ZNF518B: variants seen among roughly 807,000 people sequenced by gnomAD.
ZNF518B encodes zinc finger protein 518B.
A neutral mutation model predicts 56.3 loss-of-function variants in ZNF518B; 23 were observed. The ratio of observed to expected loss-of-function variants is 0.41; its 90% CI spans 0.29 to 0.58. The LOEUF (loss-of-function observed/expected upper bound fraction) is 0.58, where lower values mean the gene tolerates loss of function less well. Among genes scored for constraint, ZNF518B ranks in the 20% least tolerant of loss-of-function variants. ZNF518B has a pLI of 0.32. For missense variants in ZNF518B, 1,460 were observed against 1,272.1 expected (o/e 1.15, Z -2.25); for synonymous variants, 529 against 465.9 (o/e 1.14, Z -1.74).
chr4:10,445,338 C>T lies in ZNF518B; in HGVS notation c.991G>A (p.Val331Ile). The T allele has an allele frequency of 1.9e-6, 3 of 1,614,232 alleles. No individual in the cohort carries two copies. The highest frequency in any genetic ancestry group is 2.5e-6 in the Non-Finnish European group (3 of 1,180,034). The change falls in exon 3 of 3, where the codon GTT becomes ATT. Residue 331 changes from valine to isoleucine, a missense_variant. Transcript: ENST00000326756. ...EPVQPGMPLTVVAPAELVVPA... is the reference protein window; with the variant it reads ...EPVQPGMPLTIVAPAELVVPA... ...ACAACTAGTTCTGCTGGTGCAACAACTGTCAATGGCATACCTGGCTGAACA... is the reference window on the plus strand; with the variant it reads ...ACAACTAGTTCTGCTGGTGCAACAATTGTCAATGGCATACCTGGCTGAACA...
chr4:10,447,698 G>A (rs892764501), intron 2 of ZNF518B, among the ~76,000 whole-genome samples: 3 of 144,626 alleles, frequency 2.1e-5, no homozygotes, highest in Non-Finnish European at 3.0e-5. Context: ...TGCCCAGGCT[G>A]GAGTGCAATG....
chr4:10,444,511 A>G lies in ZNF518B; in HGVS notation c.1818T>C (p.Asp606=), dbSNP rs749742701. 9.3e-6 allele frequency: 15 copies of G among 1,614,028 alleles called. No homozygotes were observed. The highest frequency in any genetic ancestry group is 3.3e-5 in the Admixed American group (2 of 60,010). ...EYLHINITGE[D]RSQQPGDKPL... is the part of the protein sequence containing the mutation. ...GCTTATCCCCAGGCTGTTGAGATCTATCTTCTCCAGTTATGTTTATATGTA... is the reference window on the plus strand; with the variant it reads ...GCTTATCCCCAGGCTGTTGAGATCTGTCTTCTCCAGTTATGTTTATATGTA... Residue 606 remains aspartate, a synonymous_variant, in exon 3 of 3, where the codon GAT becomes GAC. Coordinates refer to ENST00000326756, the MANE Select transcript of ZNF518B (RefSeq NM_053042.3).
rs904782966 is a variant in ZNF518B, at chr4:10,441,762, T to C, written c.*1342A>G. 2 of 152,162 alleles carry C rather than the reference T, an allele frequency of 1.3e-5. No individual in the cohort carries two copies. Among genetic ancestry groups the C allele is most frequent in the African/African-American group, 4.8e-5 (2 of 41,422 alleles). The allele number at this position is 152,162 out of a possible 1,614,324, so 9.4% of individuals were successfully genotyped here. On this transcript the variant is annotated 3_prime_UTR_variant, in exon 3 of 3. Coordinates refer to ENST00000326756, the MANE Select transcript of ZNF518B (RefSeq NM_053042.3). ...CCTTTTTCTAAAGAACACAAATGTG[T>C]AGATAAATGACAGTCCTGACATCTG...
chr4:10,455,622 T>A (rs149733059), intron 1 of ZNF518B, among the ~76,000 whole-genome samples: 3 of 152,192 alleles, frequency 2.0e-5, no homozygotes, highest in East Asian at 1.9e-4. Context: ...TGGATTTTTT[T>A]AATTGCCATT....
chr4:10,455,075 C>A (rs1715472980), intron 1 of ZNF518B, 87 bp from the exon 2 acceptor site: 1 of 152,194 alleles, frequency 6.6e-6, no homozygotes, highest in South Asian at 2.1e-4. Context: ...GGGAATGAGC[C>A]CCAGAAGTGG....
rs1000151484 is a variant in ZNF518B, at chr4:10,443,468, G to A, written c.2861C>T (p.Pro954Leu). 1 of 1,614,136 alleles carries A rather than the reference G, an allele frequency of 6.2e-7. No homozygotes were observed. Among genetic ancestry groups the A allele is most frequent in the South Asian group, 1.1e-5 (1 of 91,086 alleles). Reference sequence around the variant, plus strand: ...TACCTTCATCACATTGGTCACTTCTGGCGAGTCCACATCAGGGTGGTTTAA... The same window carrying A: ...TACCTTCATCACATTGGTCACTTCTAGCGAGTCCACATCAGGGTGGTTTAA... ...IVLNHPDVDS[P>L]EVTNVMKVIN... Residue 954 changes from proline (P) to leucine (L), a missense_variant, in exon 3 of 3, where the codon CCA becomes CTA. Physicochemically the swap from Pro to Leu is moderately conservative, Grantham distance 98. Coordinates refer to ENST00000326756, the MANE Select transcript of ZNF518B (RefSeq NM_053042.3).
Position 10,445,050 on chromosome 4 carries a change from T to C in ZNF518B, c.1279A>G (p.Lys427Glu). 3.7e-6 allele frequency: 6 copies of C among 1,614,220 alleles called. No homozygotes were observed. The highest frequency in any genetic ancestry group is 2.2e-5 in the East Asian group (1 of 44,882). ...ACCCATTTCACATTTTTAAGCTGTT[T>C]CTGAACTGAAGGTTGAAAACTATCA... Reference protein sequence around the residue: ...GIDSFQPSVQKQLKNVKWVRS... With the variant: ...GIDSFQPSVQEQLKNVKWVRS... The change falls in exon 3 of 3, where the codon AAA becomes GAA. Residue 427 changes from lysine to glutamate, a missense_variant. Coordinates refer to ENST00000326756, the MANE Select transcript of ZNF518B (RefSeq NM_053042.3).
At position 10,442,820 on chromosome 4, in the gene ZNF518B, G is replaced by T. The variant is rs1469420712; in HGVS notation, c.*284C>A. ...CTCAGAAAACGGGGTGCTAAACAAA[G>T]AAAAGTCTCAGATCCCACTGAAAAT... is the stretch of plus-strand genomic sequence containing the variant. On this transcript the variant is annotated 3_prime_UTR_variant, in exon 3 of 3. Coordinates refer to ENST00000326756, the MANE Select transcript of ZNF518B (RefSeq NM_053042.3). The T allele has an allele frequency of 1.4e-5, 5 of 359,246 alleles. No homozygotes were observed. Among genetic ancestry groups the T allele is most frequent in the Non-Finnish European group, 2.5e-5 (5 of 198,214 alleles). The allele number at this position is 359,246 out of a possible 1,614,324, so 22.3% of individuals were successfully genotyped here. A position where few individuals can be genotyped will look rare whatever the true frequency, so the allele number is the denominator to read the frequency against.
At chr4:10,458,026 A>G (rs1341376625), upstream of ZNF518B, among the ~76,000 whole-genome samples, 1 of 152,124 alleles carries the variant, frequency 6.6e-6, no homozygotes, top group African/African-American at 2.4e-5. Context: ...GGGGACAATG[A>G]CTGTGGGAGT....
At chr4:10,457,658 T>C (rs1323554272), upstream of ZNF518B, among the ~76,000 whole-genome samples, 1 of 152,218 alleles carries the variant, frequency 6.6e-6, no homozygotes, top group African/African-American at 2.4e-5. Context: ...AGGATTCGGC[T>C]TCGGTCCTGG....
In ZNF518B at chr4:10,445,843, G is replaced by T; in HGVS notation, c.486C>A (p.Phe162Leu). The T allele has an allele frequency of 1.2e-6, 2 of 1,614,240 alleles. No homozygotes were observed. Among genetic ancestry groups the T allele is most frequent in the Non-Finnish European group, 1.7e-6 (2 of 1,180,040 alleles). Reference sequence around the variant, plus strand: ...AAATGTAGCTGCAGTGAGAACAAATGAATTTAATCTCCTCGTGTTGAAGGG... The same window carrying T: ...AAATGTAGCTGCAGTGAGAACAAATTAATTTAATCTCCTCGTGTTGAAGGG... ...KHTLQHEEIKFICSHCSYISY... is the reference protein window; with the variant it reads ...KHTLQHEEIKLICSHCSYISY... The change falls in exon 3 of 3, where the codon TTC (phenylalanine) becomes TTA (leucine). Residue 162 changes from phenylalanine to leucine, a missense_variant. Physicochemically the swap from Phe to Leu is conservative, Grantham distance 22 (BLOSUM62 0). Coordinates refer to ENST00000326756, the MANE Select transcript of ZNF518B (RefSeq NM_053042.3).
Position 10,443,563 on chromosome 4 carries a change from T to C in ZNF518B, c.2766A>G (p.Gln922=). The C allele has an allele frequency of 6.2e-7, 1 of 1,614,194 alleles. No homozygotes were observed. Among genetic ancestry groups the C allele is most frequent in the East Asian group, 2.2e-5 (1 of 44,886 alleles). Residue 922 remains glutamine, a synonymous_variant, in exon 3 of 3, where the codon CAA becomes CAG. Transcript: ENST00000326756. ...KDPSIFQVAR[Q]LRLIAAKPDQ... is the part of the protein sequence containing the mutation. ...CTGGCTTAGCTGCTATCAGTCTTAG[T>C]TGCCTTGCAACCTGAAAAATTGAAG...
Position 10,445,416 on chromosome 4 carries a change from G to A in ZNF518B, c.913C>T (p.Leu305=), listed in dbSNP as rs1301966071. ...ACTTCAACATTTTTGTTCTCAAATA[G>A]GTTGACTTCATTTGGCTCAGACAGG... ...MTLSEPNEVN[L]FENKNVEVEV... is the part of the protein sequence containing the mutation. Residue 305 remains leucine (L), a synonymous_variant, in exon 3 of 3, where the codon CTA becomes TTA. Transcript: ENST00000326756. The A allele has an allele frequency of 3.7e-6, 6 of 1,614,078 alleles. No homozygotes were observed. Among genetic ancestry groups the A allele is most frequent in the Non-Finnish European group, 5.1e-6 (6 of 1,180,038 alleles).
At position 10,444,346 on chromosome 4, in the gene ZNF518B, T is replaced by G; in HGVS notation, c.1983A>C (p.Ser661=). 1 of 1,614,204 alleles carries G rather than the reference T, an allele frequency of 6.2e-7. No homozygotes were observed. Among genetic ancestry groups the G allele is most frequent in the Non-Finnish European group, 8.5e-7 (1 of 1,180,028 alleles). The part of the protein sequence containing the change: ...KWNSSTSKIK[S]IELLRRKIAQ... ...CTATCTTTCTGCGCAACAGTTCAAT[T>G]GACTTTATTTTAGACGTTGAGCTAT... is the stretch of plus-strand genomic sequence containing the variant. The change falls in exon 3 of 3, where the codon TCA becomes TCC. Residue 661 remains serine (S), a synonymous_variant. Transcript: ENST00000326756.
At chr4:10,455,615 A>ATT (rs57975905) in intron 1 of ZNF518B, among the ~76,000 whole-genome samples, 4 of 151,688 alleles carry the variant, frequency 2.6e-5, no homozygotes, top group East Asian at 3.9e-4. Flanking sequence ...ATCTAAATGG[A>ATT]TTTTTTTAAT....
At chr4:10,459,797 A>C (rs1205974228), upstream of ZNF518B, among the ~76,000 whole-genome samples, 4 of 152,180 alleles carry the variant, frequency 2.6e-5, no homozygotes, top group Non-Finnish European at 5.9e-5. Context: ...GAGGGTTCAG[A>C]GGGAGCATGG....
At chr4:10,446,770 C>A (rs1715077183) in intron 2 of ZNF518B, among the ~76,000 whole-genome samples, 1 of 152,168 alleles carries the variant, frequency 6.6e-6, no homozygotes, top group Non-Finnish European at 1.5e-5. Context: ...CATGAATGAA[C>A]ACAGATATAC....
chr4:10,452,867 GAC>G (rs1715379267), intron 2 of ZNF518B: 1 of 152,124 alleles, frequency 6.6e-6, no homozygotes, highest in African/African-American at 2.4e-5. Flanking sequence ...AAATGCTGCC[GAC>G]AAATGTACCC....
chr4:10,450,699 G>A (rs1715265659), intron 2 of ZNF518B, among the ~76,000 whole-genome samples: 1 of 152,094 alleles, frequency 6.6e-6, no homozygotes. Context: ...AAAGACACCG[G>A]AGACAAAGCT....
Sources: allele counts gnomAD v4.1 joint callset (sites outside exome capture counted in the v4.1 genomes callset), GRCh38; gene constraint gnomAD v4.1.1; transcripts MANE v1.5; gene names NCBI Gene and HGNC (gene_info 2026-07-23, HGNC 2026-07-21).